The following HNF4G variants were observed in gnomAD, a reference collection of about 807,000 sequenced individuals.
The protein encoded by HNF4G is hepatocyte nuclear factor 4-gamma.
A neutral mutation model predicts 50.9 loss-of-function variants in HNF4G; 21 were observed. That is an observed-to-expected ratio of 0.41 (90% CI 0.29 to 0.59). HNF4G has a LOEUF of 0.59. Among genes scored for constraint, HNF4G ranks in the 20% least tolerant of loss-of-function variants. HNF4G has a pLI of 0.26. For missense variants in HNF4G, 527 were observed against 559.4 expected, an observed-to-expected ratio of 0.94 and a Z score of 0.58; for synonymous variants, 198 against 185.6, an observed-to-expected ratio of 1.07 and a Z score of -0.54.
intron 1 of HNF4G, among the ~76,000 whole-genome samples, chr8:75,419,562 A>G (rs1810731662): frequency 6.6e-6 from 1 of 152,210 alleles, no homozygotes; most frequent in South Asian, 2.1e-4. Flanking sequence ...TAAGCCTTTA[A>G]GATACAAAGG....
At chr8:75,513,937 G>C (rs977906304) in intron 2 of HNF4G, among the ~76,000 whole-genome samples, 2 of 151,740 alleles carry the variant, frequency 1.3e-5, no homozygotes, top group Non-Finnish European at 2.9e-5. Flanking sequence ...AAATGTTCAT[G>C]AATCATTGAC....
At chr8:75,476,510 G>T (rs1385752304) in intron 1 of HNF4G, among the ~76,000 whole-genome samples, 3 of 152,136 alleles carry the variant, frequency 2.0e-5, no homozygotes, top group Non-Finnish European at 2.9e-5. Context: ...TCAATATCAG[G>T]TTAATGTTTC....
At chr8:75,473,476 C>G (rs927039928) in intron 1 of HNF4G, among the ~76,000 whole-genome samples, 13 of 152,118 alleles carry the variant, frequency 8.5e-5, no homozygotes, top group Non-Finnish European at 1.3e-4. Context: ...AAAGGAAATA[C>G]TAAAGTTTGA....
At chr8:75,480,717 CTTTCTT>C (rs1202654589) in intron 1 of HNF4G, among the ~76,000 whole-genome samples, 61 of 123,832 alleles carry the variant, frequency 4.9e-4, no homozygotes, top group East Asian at 7.2e-4. Context: ...TTTTCTTTTT[CTTTCTT>C]TTTTTTTTTT....
chr8:75,456,080 T>C (rs1166426150), intron 1 of HNF4G, among the ~76,000 whole-genome samples: 1 of 152,158 alleles, frequency 6.6e-6, no homozygotes, highest in African/African-American at 2.4e-5. Flanking sequence ...TGAGTATAGC[T>C]GGGGACGTCT....
At chr8:75,560,782 A>C (rs1008611479) in intron 9 of HNF4G, among the ~76,000 whole-genome samples, 1 of 152,182 alleles carries the variant, frequency 6.6e-6, no homozygotes, top group Non-Finnish European at 1.5e-5. Flanking sequence ...GAAACCATGC[A>C]AGGGAATCTT....
chr8:75,422,932 A>G (rs191155245), intron 1 of HNF4G, among the ~76,000 whole-genome samples: 1 of 152,184 alleles, frequency 6.6e-6, no homozygotes, highest in Non-Finnish European at 1.5e-5. Flanking sequence ...TTTAGTCCTC[A>G]TAACAAGCTG....
At chr8:75,549,679 T>C (rs912462438) in intron 3 of HNF4G, among the ~76,000 whole-genome samples, 12 of 151,966 alleles carry the variant, frequency 7.9e-5, no homozygotes, top group African/African-American at 2.9e-4. Context: ...TACATATGTA[T>C]ACATGTGCCA....
At chr8:75,547,519 T>C in intron 2 of HNF4G, 68 bp from the exon 3 acceptor site, 2 of 1,094,958 alleles carry the variant, frequency 1.8e-6, no homozygotes. Context: ...TTAAAATCCA[T>C]TTGTCTGTTT....
intron 2 of HNF4G, among the ~76,000 whole-genome samples, chr8:75,505,698 A>G (rs964401568): frequency 6.6e-6 from 1 of 151,888 alleles, no homozygotes. Flanking sequence ...AAAAAAAAAA[A>G]CATAATACAA....
chr8:75,493,926 G>A (rs1454510917), intron 2 of HNF4G, among the ~76,000 whole-genome samples: 1 of 152,090 alleles, frequency 6.6e-6, no homozygotes, highest in Non-Finnish European at 1.5e-5. Context: ...TCCACTGAAA[G>A]CAAATTTGCA....
At chr8:75,432,904 G>A (rs1811046369) in intron 1 of HNF4G, among the ~76,000 whole-genome samples, 1 of 152,116 alleles carries the variant, frequency 6.6e-6, no homozygotes, top group South Asian at 2.1e-4. Context: ...ACAGTTCTGG[G>A]GAAAGGTACA....
intron 1 of HNF4G, among the ~76,000 whole-genome samples, chr8:75,470,466 C>T (rs890516013): frequency 6.6e-6 from 1 of 152,124 alleles, no homozygotes; most frequent in African/African-American, 2.4e-5. Context: ...TCTCCCCCCA[C>T]AGATTGTTCA....
At chr8:75,537,620 A>C (rs1806502667), upstream of HNF4G, among the ~76,000 whole-genome samples, 1 of 152,190 alleles carries the variant, frequency 6.6e-6, no homozygotes, top group Non-Finnish European at 1.5e-5. Flanking sequence ...AATCGACTAA[A>C]GTTTAGACAA....
intron 2 of HNF4G, among the ~76,000 whole-genome samples, chr8:75,499,491 A>G (rs558827746): frequency 3.9e-5 from 6 of 152,134 alleles, no homozygotes; most frequent in Admixed American, 1.3e-4. Context: ...GTCCTAACAA[A>G]ATTCCAGTTG....
chr8:75,461,392 T>G (rs1270405762), intron 1 of HNF4G, among the ~76,000 whole-genome samples: 1 of 152,214 alleles, frequency 6.6e-6, no homozygotes, highest in Non-Finnish European at 1.5e-5. Flanking sequence ...GCTTCTGCTA[T>G]TACATCTCCT....
At chr8:75,551,746 G>T in intron 4 of HNF4G, among the ~76,000 whole-genome samples, 1 of 152,192 alleles carries the variant, frequency 6.6e-6, no homozygotes, top group African/African-American at 2.4e-5. Context: ...TAAAAAGTTT[G>T]CTTATAAGTT....
chr8:75,545,297 T>A (rs1806743205), intron 2 of HNF4G, among the ~76,000 whole-genome samples: 1 of 149,630 alleles, frequency 6.7e-6, no homozygotes, highest in Non-Finnish European at 1.5e-5. Flanking sequence ...AACAACTAAA[T>A]CCTACAACTT....
At chr8:75,502,740 T>C (rs1375781530) in intron 2 of HNF4G, among the ~76,000 whole-genome samples, 1 of 152,170 alleles carries the variant, frequency 6.6e-6, no homozygotes, top group Admixed American at 6.5e-5. Flanking sequence ...TTGAAGTAAT[T>C]TGACCTAAAA....
Sources: allele counts gnomAD v4.1 joint callset (sites outside exome capture counted in the v4.1 genomes callset), GRCh38; gene constraint gnomAD v4.1.1; transcripts MANE v1.5; gene names NCBI Gene and HGNC (gene_info 2026-07-23, HGNC 2026-07-21).